Variants in OTOGL observed in about 807,000 individuals in gnomAD.
OTOGL encodes the protein otogelin-like protein.
Under a neutral mutation model 318.5 loss-of-function variants are expected in OTOGL, and 285 were observed. The ratio of observed to expected loss-of-function variants is 0.89; its 90% confidence interval spans 0.81 to 0.99. OTOGL has a LOEUF of 0.99. OTOGL is among the 50% of genes least tolerant of loss of function. OTOGL has a pLI of 0.00. For synonymous variants in OTOGL, 987 were observed against 936.5 expected, an observed-to-expected ratio of 1.05 and a Z score of -0.99; for missense variants, 2,899 against 2,845.6, an observed-to-expected ratio of 1.02 and a Z score of -0.43.
intron 8 of OTOGL, 113 bp from the exon 9 acceptor site, chr12:80,232,779 A>G: frequency 1.0e-6 from 1 of 972,628 alleles, no homozygotes; most frequent in Non-Finnish European, 1.5e-6. Context: ...CAGCTTATTC[A>G]ATAATTTCAA....
chr12:80,372,693 G>GT (rs34600505), intron 57 of OTOGL, among the ~76,000 whole-genome samples: 3 of 150,388 alleles, frequency 2.0e-5, no homozygotes, highest in South Asian at 2.1e-4. Context: ...CATAGTAATT[G>GT]TTTTTTTTTT....
At chr12:80,125,797 T>G (rs1435276960) in intron 1 of OTOGL, among the ~76,000 whole-genome samples, 1 of 152,236 alleles carries the variant, frequency 6.6e-6, no homozygotes, top group African/African-American at 2.4e-5. Flanking sequence ...ATTTATCCGT[T>G]TCTTCTAGAT....
chr12:80,265,374 A>C, intron 20 of OTOGL, 164 bp downstream of exon 20: 1 of 778,054 alleles, frequency 1.3e-6, no homozygotes. Flanking sequence ...ATAATATCTT[A>C]AGATTGGAGA....
chr12:80,277,030 G>A (rs1367181370), intron 24 of OTOGL, among the ~76,000 whole-genome samples: 1 of 150,476 alleles, frequency 6.6e-6, no homozygotes, highest in Non-Finnish European at 1.5e-5. Flanking sequence ...TTATAATCTT[G>A]AATTTTTATA....
Position 80,339,226 on chromosome 12 carries a change from T to G in OTOGL, c.5012T>G (p.Phe1671Cys). 2 of 1,611,786 alleles carry G rather than the reference T, an allele frequency of 1.2e-6. No individual in the cohort carries two copies. The highest frequency in any genetic ancestry group is 1.7e-6 in the Non-Finnish European group (2 of 1,178,686). Residue 1671 changes from phenylalanine (F) to cysteine (C), a missense_variant, in exon 43 of 59, where the codon TTC becomes TGC. By Grantham distance (205) the Phe-to-Cys change is radical (BLOSUM62 -2). This residue lies in a region of OTOGL where 2,607 missense variants were observed against 2,524.9 expected (regional missense o/e 1.03). Coordinates refer to ENST00000547103, the MANE Select transcript of OTOGL (RefSeq NM_001378609.3). ...LTGIIDIHFGFRFNLSSYTEG... is the reference protein window; with the variant it reads ...LTGIIDIHFGCRFNLSSYTEG... ...GGAATCATAGACATTCATTTTGGCT[T>G]CCGATTTAACTTGTCATCCTACACA...
intron 53 of OTOGL, among the ~76,000 whole-genome samples, chr12:80,367,200 T>C (rs1279091513): frequency 6.6e-6 from 1 of 151,288 alleles, no homozygotes; most frequent in East Asian, 1.9e-4. Context: ...GTCTCAAACT[T>C]CTGGTCTCTA....
chr12:80,224,647 A>T (rs1292724969), intron 7 of OTOGL, among the ~76,000 whole-genome samples: 2 of 152,054 alleles, frequency 1.3e-5, no homozygotes, highest in Non-Finnish European at 2.9e-5. Context: ...GATTAAATAT[A>T]TTCTTAAGTA....
chr12:80,290,375 A>G (rs1430913922), intron 26 of OTOGL, among the ~76,000 whole-genome samples: 1 of 151,750 alleles, frequency 6.6e-6, no homozygotes, highest in Non-Finnish European at 1.5e-5. Flanking sequence ...CCTTTTCAAT[A>G]AGCTACTAGA....
intron 6 of OTOGL, 135 bp from the exon 7 acceptor site, chr12:80,221,956 A>T: frequency 1.1e-6 from 1 of 888,976 alleles, no homozygotes; most frequent in Non-Finnish European, 1.6e-6. Context: ...ATTTTATGTT[A>T]GTTATTTCTT....
chr12:80,125,956 G>C (rs1281897457), intron 1 of OTOGL, among the ~76,000 whole-genome samples: 1 of 152,014 alleles, frequency 6.6e-6, no homozygotes, highest in Non-Finnish European at 1.5e-5. Flanking sequence ...CTTGCTAGCA[G>C]TCTATCAATT....
At chr12:80,332,910 T>C in intron 37 of OTOGL, 95 bp from the exon 38 acceptor site, 1 of 943,096 alleles carries the variant, frequency 1.1e-6, no homozygotes. Flanking sequence ...TGAAATAATC[T>C]ATACAAAATT....
At chr12:80,153,163 T>C (rs2137173880) in intron 1 of OTOGL, among the ~76,000 whole-genome samples, 1 of 152,266 alleles carries the variant, frequency 6.6e-6, no homozygotes, top group South Asian at 2.1e-4. Flanking sequence ...ACAATGGAAA[T>C]TTATTTCTTA....
At chr12:80,225,177 G>C (rs1358132411) in intron 7 of OTOGL, among the ~76,000 whole-genome samples, 1 of 152,026 alleles carries the variant, frequency 6.6e-6, no homozygotes, top group Non-Finnish European at 1.5e-5. Flanking sequence ...AGGGCAGTTG[G>C]TGAAATGCAT....
At chr12:80,241,727 T>A (rs559907592) in intron 11 of OTOGL, among the ~76,000 whole-genome samples, 2 of 152,154 alleles carry the variant, frequency 1.3e-5, no homozygotes, top group Non-Finnish European at 2.9e-5. Flanking sequence ...CTAAAATGAC[T>A]GTGACTTAAA....
In OTOGL at chr12:80,232,992, A is replaced by G. The variant is rs1454025479; in HGVS notation, c.712A>G (p.Ile238Val). 1 of 1,598,698 alleles carries G rather than the reference A, an allele frequency of 6.3e-7. No individual in the cohort carries two copies. Among genetic ancestry groups the G allele is most frequent in the Non-Finnish European group, 8.5e-7 (1 of 1,179,118 alleles). ...TFGFSLAWDGISGIYLKLSED... is the reference protein window; with the variant it reads ...TFGFSLAWDGVSGIYLKLSED... ...TGGCTTTTCATTGGCTTGGGACGGG[A>G]TATCTGGGATCTACCTCAAGCTGTC... The change falls in exon 9 of 59, where the codon ATA (isoleucine) becomes GTA (valine). Residue 238 changes from isoleucine (I) to valine (V), a missense_variant. Physicochemically the swap from Ile to Val is conservative, Grantham distance 29 (BLOSUM62 3). Around this residue, in one of 3 missense-constraint regions of OTOGL, gnomAD observed 2,607 missense variants for 2,524.9 expected, o/e 1.03. Coordinates refer to ENST00000547103, the MANE Select transcript of OTOGL (RefSeq NM_001378609.3).
At chr12:80,308,981 GGGGAGA>G (rs59424577) in intron 29 of OTOGL, among the ~76,000 whole-genome samples, 82,148 of 149,352 alleles carry the variant, frequency 0.55, 25,458 homozygotes, top group East Asian at 0.87. Flanking sequence ...GGGAGACCGT[GGGGAGA>G]GGGAGAGGGA....
intron 7 of OTOGL, 133 bp from the exon 8 acceptor site, chr12:80,229,124 C>T: frequency 5.7e-6 from 6 of 1,050,062 alleles, no homozygotes; most frequent in South Asian, 4.3e-5. Flanking sequence ...CTCAGAAATC[C>T]CAAATGTAGT....
At chr12:80,306,412 C>G (rs1886107052) in intron 29 of OTOGL, among the ~76,000 whole-genome samples, 2 of 152,326 alleles carry the variant, frequency 1.3e-5, no homozygotes, top group East Asian at 1.9e-4. Flanking sequence ...ATTCTTTCCT[C>G]TACTTTCTTT....
intron 1 of OTOGL, among the ~76,000 whole-genome samples, chr12:80,141,505 G>A (rs544480167): frequency 6.6e-5 from 10 of 152,198 alleles, no homozygotes; most frequent in East Asian, 3.9e-4. Context: ...AGCACTTATC[G>A]TTCAGCACCA....
Sources: gnomAD v4.1 joint callset for allele counts (sites outside exome capture counted in the v4.1 genomes callset) on GRCh38, gnomAD v4.1.1 for gene constraint, gnomAD v4.1.1 regional missense constraint, MANE v1.5 for transcripts, NCBI Gene and HGNC (gene_info 2026-07-23, HGNC 2026-07-21) for gene names.